TBXAS1: variants seen among roughly 807,000 people sequenced by gnomAD.
TBXAS1 encodes thromboxane-A synthase.
Under a neutral mutation model 60.7 loss-of-function variants are expected in TBXAS1, and 48 were observed. The observed-to-expected ratio is 0.79, with a 90% CI of 0.63 to 1.01. TBXAS1 has a LOEUF of 1.01. Ranked by LOEUF, TBXAS1 falls within the 50% of genes least tolerant of loss-of-function variation. The pLI is 0.00. For synonymous variants in TBXAS1, 287 were observed against 269.7 expected (o/e 1.06, Z -0.63); for missense variants, 685 against 686.3 (o/e 1.00, Z 0.02).
chr7:139,865,138 G>A (rs1381104653), intron 1 of TBXAS1, among the ~76,000 whole-genome samples: 1 of 152,198 alleles, frequency 6.6e-6, no homozygotes, highest in Non-Finnish European at 1.5e-5. Flanking sequence ...TAAGGGAATG[G>A]AGAGGGGGCT....
At chr7:139,930,942 G>A (rs77799492) in intron 4 of TBXAS1, among the ~76,000 whole-genome samples, 1 of 152,126 alleles carries the variant, frequency 6.6e-6, no homozygotes, top group African/African-American at 2.4e-5. Flanking sequence ...TTGAGAGAGA[G>A]AGAACAACTC....
At chr7:139,839,687 A>C (rs972716892) in intron 1 of TBXAS1, among the ~76,000 whole-genome samples, 11 of 151,518 alleles carry the variant, frequency 7.3e-5, no homozygotes, top group African/African-American at 2.4e-4. Flanking sequence ...AAAAAAAAAA[A>C]AAAAAAAACA....
Position 139,857,891 on chromosome 7 carries a change from TG to T in TBXAS1, c.90-14342del, listed in dbSNP as rs1331005053. On this transcript the variant is annotated intron_variant, in intron 1 of 12. Transcript: ENST00000448866. The stretch of plus-strand genomic sequence containing the variant: ...GTCTACAGGCACACACCACCACACC[TG>T]GCAATTTTTAAAAATTTTTTTTGTA... Among the ~76,000 whole-genome samples the T allele has an allele frequency of 3.9e-5, 6 of 152,022 alleles. No homozygotes were observed. In the East Asian group the frequency reaches 1.2e-3, roughly 29 times the overall value.
At chr7:140,019,307 G>A (rs1225024611) in intron 12 of TBXAS1, among the ~76,000 whole-genome samples, 2 of 152,156 alleles carry the variant, frequency 1.3e-5, no homozygotes, top group Non-Finnish European at 2.9e-5. Flanking sequence ...AGGGGCAGAC[G>A]GAGGAGCAGC....
At chr7:139,834,293 C>A (rs1025605937) in intron 1 of TBXAS1, among the ~76,000 whole-genome samples, 1 of 152,108 alleles carries the variant, frequency 6.6e-6, no homozygotes, top group Non-Finnish European at 1.5e-5. Context: ...CCTATCAAAA[C>A]CTCTGGGATA....
intron 3 of TBXAS1, among the ~76,000 whole-genome samples, chr7:139,883,671 C>G (rs1054403088): frequency 6.6e-6 from 1 of 152,204 alleles, no homozygotes; most frequent in Non-Finnish European, 1.5e-5. Context: ...CCAATCACTT[C>G]CCCTCTCCAG....
intron 3 of TBXAS1, among the ~76,000 whole-genome samples, chr7:139,893,999 A>C (rs572495259): frequency 6.6e-6 from 1 of 152,324 alleles, no homozygotes; most frequent in East Asian, 1.9e-4. Flanking sequence ...CCAGGATGAG[A>C]AGGACCACTT....
chr7:139,893,115 T>C (rs956645773), intron 3 of TBXAS1, among the ~76,000 whole-genome samples: 4 of 152,174 alleles, frequency 2.6e-5, no homozygotes, highest in Admixed American at 2.0e-4. Context: ...CTTTCAGAGT[T>C]GCATATCTGG....
rs1266968494 is a variant in TBXAS1, at chr7:139,851,602, T to C, written c.90-20633T>C. On this transcript the variant is annotated intron_variant, in intron 1 of 12. Coordinates refer to ENST00000448866, the MANE Select transcript of TBXAS1 (RefSeq NM_001061.7). ...GCACAATGACATCTGGGCTAGTGCC[T>C]GACACAGAGTAGGCACTAAATATAT... Among the ~76,000 whole-genome samples, 5 of 152,224 alleles carry C rather than the reference T, an allele frequency of 3.3e-5. No homozygotes were observed. The East Asian group carries it at 9.6e-4, about 29-fold the overall frequency.
intron 9 of TBXAS1, among the ~76,000 whole-genome samples, chr7:139,994,941 C>T (rs903085504): frequency 6.6e-6 from 1 of 152,220 alleles, no homozygotes; most frequent in African/African-American, 2.4e-5. Context: ...CACCCAGGGC[C>T]CTGACCAGGG....
At chr7:139,918,858 G>C (rs968135264) in intron 4 of TBXAS1, among the ~76,000 whole-genome samples, 2 of 152,162 alleles carry the variant, frequency 1.3e-5, no homozygotes, top group Admixed American at 6.5e-5. Flanking sequence ...CTCTCCCACA[G>C]AGAGAGCGAA....
chr7:139,887,761 T>C (rs1158332538), intron 3 of TBXAS1, among the ~76,000 whole-genome samples: 2 of 152,236 alleles, frequency 1.3e-5, no homozygotes, highest in African/African-American at 2.4e-5. Flanking sequence ...TTTGAGACCC[T>C]GCTTTTAGTT....
At position 140,001,582 on chromosome 7, in the gene TBXAS1, G is replaced by T. The variant is rs551458229; in HGVS notation, c.1135-5509G>T. 6.6e-5 allele frequency among the ~76,000 whole-genome samples: 10 copies of T among 152,230 alleles called. No homozygotes were observed. The East Asian group carries it at 1.9e-3, about 29-fold the overall frequency. ...ATTTTTCTATTTTGAGTAGAGATGGGATTTCACCATGTTGCCCAGGTTGGT... is the reference window on the plus strand; with the variant it reads ...ATTTTTCTATTTTGAGTAGAGATGGTATTTCACCATGTTGCCCAGGTTGGT... On this transcript the variant is annotated intron_variant, in intron 9 of 12. Transcript: ENST00000448866.
chr7:139,981,261 C>T (rs1239537236), intron 9 of TBXAS1, among the ~76,000 whole-genome samples: 1 of 152,106 alleles, frequency 6.6e-6, no homozygotes, highest in South Asian at 2.1e-4. Context: ...GCTTGTACCA[C>T]CCATGCCCCA....
In TBXAS1 at chr7:139,961,969, T is replaced by C; in HGVS notation, c.870T>C (p.Ser290=). 2 of 1,614,246 alleles carry C rather than the reference T, an allele frequency of 1.2e-6. No homozygotes were observed. The highest frequency in any genetic ancestry group is 1.7e-6 in the Non-Finnish European group (2 of 1,180,040). The change falls in exon 9 of 13, where the codon AGT becomes AGC. Residue 290 remains serine (S), a synonymous_variant. Coordinates refer to ENST00000448866, the MANE Select transcript of TBXAS1 (RefSeq NM_001061.7). ...QMVLDARHSA[S]PMGVQDFDIV... ...TCCTGGATGCCCGACATTCTGCAAG[T>C]CCCATGGGCGTGCAAGACTTTGACA...
intron 9 of TBXAS1, among the ~76,000 whole-genome samples, chr7:140,005,216 G>A (rs1813978624): frequency 6.6e-6 from 1 of 152,238 alleles, no homozygotes; most frequent in East Asian, 1.9e-4. Flanking sequence ...ATCACTTGAG[G>A]TCAGAAGTTG....
intron 4 of TBXAS1, among the ~76,000 whole-genome samples, chr7:139,808,936 A>C (rs907532475): frequency 6.6e-6 from 1 of 151,214 alleles, no homozygotes; most frequent in African/African-American, 2.4e-5. Flanking sequence ...TCACTTTGGG[A>C]AATGCTCTTG....
At chr7:139,804,570 G>A (rs528975573) in intron 4 of TBXAS1, among the ~76,000 whole-genome samples, 152 of 152,318 alleles carry the variant, frequency 1.0e-3, no homozygotes, top group Non-Finnish European at 1.7e-3. Context: ...ATATGGTTTG[G>A]CTGTGTCCCC....
Position 140,019,200 on chromosome 7 carries a change from T to C in TBXAS1, c.1528-825T>C, listed in dbSNP as rs76265909. Among the ~76,000 whole-genome samples, 72 of 152,258 alleles carry C rather than the reference T, an allele frequency of 4.7e-4. No individual in the cohort carries two copies. The East Asian group carries it at 0.012, about 25-fold the overall frequency. ...GAATAATGAGCTTGGATGGGGGACA[T>C]AGAGTCTGAGATACTGAAAGTGAAC... is the stretch of plus-strand genomic sequence containing the variant. On this transcript the variant is annotated intron_variant, in intron 12 of 12. Coordinates refer to ENST00000448866, the MANE Select transcript of TBXAS1 (RefSeq NM_001061.7).
Sources: allele counts gnomAD v4.1 joint callset (sites outside exome capture counted in the v4.1 genomes callset), GRCh38; gene constraint gnomAD v4.1.1; transcripts MANE v1.5; gene names NCBI Gene and HGNC (gene_info 2026-07-23, HGNC 2026-07-21).